The following SLC25A18 variants were observed in gnomAD, a reference collection of about 807,000 sequenced individuals.
SLC25A18 encodes the protein solute carrier family 25 member 18.
A neutral mutation model predicts 31.1 loss-of-function variants in SLC25A18; 24 were observed. That is an observed-to-expected ratio of 0.77 (90% CI 0.56 to 1.08). The LOEUF (loss-of-function observed/expected upper bound fraction) is 1.08, where lower values mean the gene tolerates loss of function less well. Ranked by LOEUF, SLC25A18 falls within the 50% of genes least tolerant of loss-of-function variation. SLC25A18 has a pLI of 0.00. For missense variants in SLC25A18, 371 were observed against 418.5 expected (o/e 0.89, Z 0.99); for synonymous variants, 173 against 161.9 (o/e 1.07, Z -0.52).
In SLC25A18 at chr22:17,563,549, G is replaced by A. The variant is rs779841133; in HGVS notation, c.-428G>A. ...AGGACCCCTATTCTAGCCAGTTAAA[G>A]CTGGACAGAATTTTTAAAAGCAATG... On this transcript the variant is annotated 5_prime_UTR_variant, in exon 1 of 11. Coordinates refer to ENST00000327451, the MANE Select transcript of SLC25A18 (RefSeq NM_031481.3). The A allele has an allele frequency of 1.8e-4, 73 of 402,012 alleles. 1 individual carries two copies. The highest frequency in any genetic ancestry group is 8.1e-5 in the Non-Finnish European group (24 of 296,850). The allele number at this position is 402,012 out of a possible 1,614,324, so 24.9% of individuals were successfully genotyped here. A position where few individuals can be genotyped will look rare whatever the true frequency, so the allele number is the denominator to read the frequency against.
In SLC25A18 at chr22:17,581,405, T is replaced by C. The variant is rs528232082; in HGVS notation, c.191T>C (p.Met64Thr). 2 of 1,614,052 alleles carry C rather than the reference T, an allele frequency of 1.2e-6. No homozygotes were observed. Among genetic ancestry groups the C allele is most frequent in the East Asian group, 2.2e-5 (1 of 44,872 alleles). ...GCTCGGGCGGAGGGCTTCTTCGGCA[T>C]GTACCGAGGTGGGCTTCTCAGGTCC... ...KTARAEGFFG[M>T]YRGAAVNLTL... is the part of the protein sequence containing the mutation. The change falls in exon 5 of 11, where the codon ATG (methionine) becomes ACG (threonine). Residue 64 changes from methionine to threonine, a missense_variant. Physicochemically the swap from Met to Thr is moderately conservative, Grantham distance 81. Transcript: ENST00000327451.
intron 5 of SLC25A18, chr22:17,581,652 A>C (rs973908276): frequency 1.7e-5 from 9 of 533,418 alleles, no homozygotes; most frequent in African/African-American, 1.3e-4. Context: ...AGCCCTCCCT[A>C]CCTGCCTGCC....
chr22:17,573,412 C>T (rs1283538699), intron 2 of SLC25A18, among the ~76,000 whole-genome samples: 1 of 152,128 alleles, frequency 6.6e-6, no homozygotes, highest in African/African-American at 2.4e-5. Context: ...TACACCAGAA[C>T]CATCCTTAGC....
At chr22:17,564,643 C>T (rs1230203466) in intron 1 of SLC25A18, among the ~76,000 whole-genome samples, 7 of 152,068 alleles carry the variant, frequency 4.6e-5, no homozygotes, top group African/African-American at 1.4e-4. Flanking sequence ...GGGCGGATCA[C>T]GAGGTCAAGA....
intron 2 of SLC25A18, among the ~76,000 whole-genome samples, chr22:17,573,865 T>A (rs1387719008): frequency 6.6e-6 from 1 of 152,154 alleles, no homozygotes; most frequent in Non-Finnish European, 1.5e-5. Flanking sequence ...GTCTCCTAAT[T>A]GGCCTCTCAC....
At chr22:17,580,815 A>T in intron 3 of SLC25A18, 1 of 1,301,030 alleles carries the variant, frequency 7.7e-7, no homozygotes, top group South Asian at 2.3e-5. Flanking sequence ...TGCAGGTCCC[A>T]GCTCCAGGGA....
In SLC25A18 at chr22:17,587,179, G is replaced by A. The variant is rs778232973; in HGVS notation, c.453G>A (p.Arg151=). 9 of 1,614,072 alleles carry A rather than the reference G, an allele frequency of 5.6e-6. No homozygotes were observed. In the East Asian group the frequency reaches 2.0e-4, roughly 36 times the overall value. Residue 151 remains arginine, a synonymous_variant, in exon 8 of 11, where the codon AGG becomes AGA. Transcript: ENST00000327451. ...QGSASAPSTS[R]SYTTGSASTH... ...CGGCCTCAGCACCCTCCACCTCCAG[G>A]TCCTACACAACTGGTTCGGCTTCCA...
At chr22:17,570,763 G>A (rs2057067043) in intron 2 of SLC25A18, among the ~76,000 whole-genome samples, 1 of 152,202 alleles carries the variant, frequency 6.6e-6, no homozygotes, top group South Asian at 2.1e-4. Flanking sequence ...TAGGATTACA[G>A]GCGTGAGCCA....
At chr22:17,568,877 A>AT (rs916416871) in intron 1 of SLC25A18, among the ~76,000 whole-genome samples, 31 of 151,448 alleles carry the variant, frequency 2.0e-4, no homozygotes, top group South Asian at 1.0e-3. Flanking sequence ...AAGTACATTG[A>AT]TTTTTTTTAT....
chr22:17,565,573 T>A lies in SLC25A18; in HGVS notation c.-264+1860T>A, dbSNP rs866537295. 2.6e-4 allele frequency among the ~76,000 whole-genome samples: 39 copies of A among 151,810 alleles called. 1 individual carries two copies. In the Middle Eastern group the frequency reaches 0.014, roughly 53 times the overall value. On this transcript the variant is annotated intron_variant, in intron 1 of 10. Coordinates refer to ENST00000327451, the MANE Select transcript of SLC25A18 (RefSeq NM_031481.3). ...TTTGGGGTTTTTTTGAGTAATTTTTTAAAAAAATTTTTGGACAGGTGTGTT... is the reference window on the plus strand; with the variant it reads ...TTTGGGGTTTTTTTGAGTAATTTTTAAAAAAAATTTTTGGACAGGTGTGTT...
Position 17,587,241 on chromosome 22 carries a change from A to G in SLC25A18, c.515A>G (p.Glu172Gly), listed in dbSNP as rs1445035795. ...RRPSATLIAW[E>G]LLRTQGLAGL... ...CCCTCTGCCACCCTCATTGCCTGGG[A>G]GCTGCTCCGCACTCAGGGCCTGGCT... The change falls in exon 8 of 11, where the codon GAG becomes GGG. Residue 172 changes from glutamate (E) to glycine (G), a missense_variant. Coordinates refer to ENST00000327451, the MANE Select transcript of SLC25A18 (RefSeq NM_031481.3). The G allele has an allele frequency of 1.2e-6, 2 of 1,613,930 alleles. No homozygotes were observed. Among genetic ancestry groups the G allele is most frequent in the South Asian group, 2.2e-5 (2 of 91,074 alleles).
intron 3 of SLC25A18, chr22:17,580,565 C>T (rs1269502024): frequency 3.0e-6 from 3 of 990,152 alleles, no homozygotes; most frequent in South Asian, 4.7e-5. Flanking sequence ...CCCCCAGGCA[C>T]GGTTTCCATA....
In SLC25A18 at chr22:17,590,349, T is replaced by C; in HGVS notation, c.*113T>C. 1 of 1,299,962 alleles carries C rather than the reference T, an allele frequency of 7.7e-7. No individual in the cohort carries two copies. Among genetic ancestry groups the C allele is most frequent in the Non-Finnish European group, 1.1e-6 (1 of 934,686 alleles). The allele number at this position is 1,299,962 out of a possible 1,614,324, so 80.5% of individuals were successfully genotyped here. A position where few individuals can be genotyped will look rare whatever the true frequency, so the allele number is the denominator to read the frequency against. The stretch of plus-strand genomic sequence containing the variant: ...CTCTGGCCTGCCTGGTCCTCTGCGT[T>C]GTAGTGCTACCTCAATCTCGGGAGA... On this transcript the variant is annotated 3_prime_UTR_variant, in exon 11 of 11. Coordinates refer to ENST00000327451, the MANE Select transcript of SLC25A18 (RefSeq NM_031481.3).
At chr22:17,568,711 G>C (rs751219012) in intron 1 of SLC25A18, among the ~76,000 whole-genome samples, 1 of 150,982 alleles carries the variant, frequency 6.6e-6, no homozygotes, top group Non-Finnish European at 1.5e-5. Flanking sequence ...ACACGCGCCT[G>C]CCACCACGCC....
chr22:17,586,115 C>T (rs5747240), intron 7 of SLC25A18, among the ~76,000 whole-genome samples: 18,876 of 152,190 alleles, frequency 0.12, 1,556 homozygotes, highest in Non-Finnish European at 0.18. Flanking sequence ...GAGGAGGTGA[C>T]CTGGAAGCCT....
intron 7 of SLC25A18, among the ~76,000 whole-genome samples, chr22:17,584,797 A>G (rs2018000): frequency 2.7e-5 from 4 of 150,444 alleles, no homozygotes; most frequent in South Asian, 2.1e-4. Flanking sequence ...AAAAAAAAAA[A>G]AAAAAAAAAA....
chr22:17,590,719 G>A lies in SLC25A18; in HGVS notation c.*483G>A, dbSNP rs1469075913. 6.5e-6 allele frequency: 1 copy of A among 153,866 alleles called. No individual in the cohort carries two copies. The highest frequency in any genetic ancestry group is 1.4e-5 in the Non-Finnish European group (1 of 69,162). The allele number at this position is 153,866 out of a possible 1,614,324, so 9.5% of individuals were successfully genotyped here. ...GTTCAAGGGACCGTGAAAGCCCTCA[G>A]AGTCAGCACCTAGTTTGAGACCAAG... On this transcript the variant is annotated 3_prime_UTR_variant, in exon 11 of 11. Coordinates refer to ENST00000327451, the MANE Select transcript of SLC25A18 (RefSeq NM_031481.3).
chr22:17,585,008 C>T (rs903630530), intron 7 of SLC25A18, among the ~76,000 whole-genome samples: 13 of 151,966 alleles, frequency 8.6e-5, no homozygotes, highest in Admixed American at 3.3e-4. Context: ...GTGGTACACT[C>T]CTGTAATCTC....
chr22:17,580,048 A>C (rs1472769807), intron 3 of SLC25A18, 84 bp downstream of exon 3: 12 of 1,394,258 alleles, frequency 8.6e-6, no homozygotes, highest in Non-Finnish European at 2.0e-6. Context: ...CAGGTTTCTG[A>C]AGAACAAGCT....
Sources: allele counts gnomAD v4.1 joint callset (sites outside exome capture counted in the v4.1 genomes callset), GRCh38; gene constraint gnomAD v4.1.1; transcripts MANE v1.5; gene names NCBI Gene and HGNC (gene_info 2026-07-23, HGNC 2026-07-21).